The following FSTL3 variants were observed in gnomAD, a reference collection of about 807,000 sequenced individuals.
FSTL3 encodes the protein follistatin like 3, also known as follistatin-related protein 3.
A neutral mutation model predicts 28.1 loss-of-function variants in FSTL3; 21 were observed. That is an observed-to-expected ratio of 0.75 (90% CI 0.53 to 1.08). The LOEUF is 1.08. Among genes scored for constraint, FSTL3 ranks in the 50% least tolerant of loss-of-function variants. The pLI is 0.00. For synonymous variants in FSTL3, 199 were observed against 164.2 expected, an observed-to-expected ratio of 1.21 and a Z score of -1.62; for missense variants, 400 against 380.9, an observed-to-expected ratio of 1.05 and a Z score of -0.42.
At chr19:679,364 G>A (rs1047167497) in intron 2 of FSTL3, among the ~76,000 whole-genome samples, 2 of 152,166 alleles carry the variant, frequency 1.3e-5, no homozygotes, top group East Asian at 1.9e-4. Flanking sequence ...AAGGAGTGCC[G>A]CACTGCCTTG....
chr19:677,928 G>C lies in FSTL3; in HGVS notation c.240G>C (p.Lys80Asn). Residue 80 changes from lysine to asparagine, a missense_variant, in exon 2 of 5, where the codon AAG (lysine) becomes AAC (asparagine). Lys to Asn is a moderately conservative substitution (Grantham distance 94). Transcript: ENST00000166139. Reference protein sequence around the residue: ...AWSNLTHPGNKINLLGFLGLV... With the variant: ...AWSNLTHPGNNINLLGFLGLV... ...CCAACCTCACCCACCCGGGGAACAA[G>C]ATCAACCTCCTCGGCTTCTTGGGCC... 6.2e-7 allele frequency: 1 copy of C among 1,613,638 alleles called. No homozygotes were observed.
At chr19:678,024 A>T in intron 2 of FSTL3, 47 bp downstream of exon 2, 1 of 1,557,514 alleles carries the variant, frequency 6.4e-7, no homozygotes, top group Non-Finnish European at 8.8e-7. Context: ...GCTCAGGACC[A>T]GCCACAAACA....
chr19:677,705 T>G, intron 1 of FSTL3, 87 bp from the exon 2 acceptor site: 1 of 1,310,554 alleles, frequency 7.6e-7, no homozygotes, highest in Non-Finnish European at 1.0e-6. Flanking sequence ...GCGTAACTAC[T>G]CAGCACCACC....
At position 681,643 on chromosome 19, in the gene FSTL3, C is replaced by T. The variant is rs749429626; in HGVS notation, c.734-7C>T. The stretch of plus-strand genomic sequence containing the variant: ...TGCGCCCTCAATGCTCTTATCGACC[C>T]TTGCAGGCACCCCTGAGGAGCCGCC... On this transcript the variant is annotated splice_region_variant and splice_polypyrimidine_tract_variant and intron_variant, in intron 4 of 4. Coordinates refer to ENST00000166139, the MANE Select transcript of FSTL3 (RefSeq NM_005860.3). The T allele has an allele frequency of 6.3e-7, 1 of 1,582,280 alleles. No homozygotes were observed. The highest frequency in any genetic ancestry group is 8.6e-7 in the Non-Finnish European group (1 of 1,164,444).
chr19:677,427 G>A (rs887630061), intron 1 of FSTL3, among the ~76,000 whole-genome samples: 2 of 152,106 alleles, frequency 1.3e-5, no homozygotes, highest in African/African-American at 2.4e-5. Context: ...GGCGGGAGAA[G>A]CGGCTCCAGG....
Position 681,530 on chromosome 19 carries a change from A to G in FSTL3, c.703A>G (p.Ile235Val). The change falls in exon 4 of 5, where the codon ATC becomes GTC. Residue 235 changes from isoleucine (I) to valine (V), a missense_variant. Physicochemically the swap from Ile to Val is conservative, Grantham distance 29. Coordinates refer to ENST00000166139, the MANE Select transcript of FSTL3 (RefSeq NM_005860.3). ...GGCCACCTGCTTCCTGGGCCGCTCC[A>G]TCGGCGTGCGCCACGCGGGCAGCTG... ...RQATCFLGRS[I>V]GVRHAGSCAG... is the part of the protein sequence containing the mutation. 6.2e-7 allele frequency: 1 copy of G among 1,607,720 alleles called. No homozygotes were observed. The highest frequency in any genetic ancestry group is 8.5e-7 in the Non-Finnish European group (1 of 1,179,462).
At chr19:678,434 A>G (rs1170228421) in intron 2 of FSTL3, among the ~76,000 whole-genome samples, 1 of 145,256 alleles carries the variant, frequency 6.9e-6, no homozygotes, top group Non-Finnish European at 1.5e-5. Context: ...ACATCAGACT[A>G]GGGGCTCTTG....
intron 2 of FSTL3, chr19:680,055 A>C: frequency 2.9e-5 from 4 of 137,598 alleles, no homozygotes; most frequent in East Asian, 2.2e-4. Flanking sequence ...CCCCCAGCGC[A>C]GGCGCAGCGC....
chr19:677,764 G>A (rs1263387087), intron 1 of FSTL3, 28 bp from the exon 2 acceptor site: 2 of 1,583,904 alleles, frequency 1.3e-6, no homozygotes, highest in Admixed American at 1.7e-5. Context: ...GAGTGGCCCA[G>A]GAGAGCACCC....
rs772855603 is a variant in FSTL3 at position 680,291 on chromosome 19, G to C, written c.307G>C (p.Glu103Gln). The C allele has an allele frequency of 1.4e-5, 18 of 1,318,764 alleles. No individual in the cohort carries two copies. The highest frequency in any genetic ancestry group is 1.6e-5 in the Non-Finnish European group (17 of 1,036,870). The allele number at this position is 1,318,764 out of a possible 1,614,324, so 81.7% of individuals were successfully genotyped here. ...GTCCGCAGATTCGTGCGACGGCGTG[G>C]AGTGCGGCCCGGGCAAGGCGTGCCG... ...LPCKDSCDGV[E>Q]CGPGKACRML... The change falls in exon 3 of 5, where the codon GAG (glutamate) becomes CAG (glutamine). Residue 103 changes from glutamate (E) to glutamine (Q), a missense_variant. By Grantham distance (29) the Glu-to-Gln change is conservative (BLOSUM62 2). Coordinates refer to ENST00000166139, the MANE Select transcript of FSTL3 (RefSeq NM_005860.3).
intron 2 of FSTL3, 144 bp from the exon 3 acceptor site, chr19:680,130 C>G: frequency 2.5e-6 from 1 of 395,694 alleles, no homozygotes; most frequent in Non-Finnish European, 4.2e-6. Context: ...CCGAGGGCCC[C>G]GACTCCGACT....
rs768915394 is a variant in FSTL3 at position 676,437 on chromosome 19, C to A, written c.14C>A (p.Ala5Glu). The A allele has an allele frequency of 5.8e-6, 7 of 1,209,082 alleles. No individual in the cohort carries two copies. The South Asian group carries it at 1.3e-4, about 23-fold the overall frequency. 74.9% of individuals were successfully genotyped at this position (1,209,082 alleles called of 1,614,324 possible). ...TCTGCGTTCGCCATGCGTCCCGGGG[C>A]GCCAGGGCCACTCTGGCCTCTGCCC... MRPGAPGPLWPLPWG... is the reference protein window; with the variant it reads MRPGEPGPLWPLPWG... The change falls in exon 1 of 5, where the codon GCG becomes GAG. Residue 5 changes from alanine to glutamate, a missense_variant. Coordinates refer to ENST00000166139, the MANE Select transcript of FSTL3 (RefSeq NM_005860.3).
At position 682,165 on chromosome 19, in the gene FSTL3, C is replaced by T. The variant is rs1446476750; in HGVS notation, c.*457C>T. On this transcript the variant is annotated 3_prime_UTR_variant, in exon 5 of 5. Transcript: ENST00000166139. ...TCTAGCCTGGGTGTGTACGGAGGGT[C>T]TAGCCTGGGTGAGTACGGAGGGTCT... 2 of 337,304 alleles carry T rather than the reference C, an allele frequency of 5.9e-6. No homozygotes were observed. Among genetic ancestry groups the T allele is most frequent in the East Asian group, 9.3e-5 (2 of 21,478 alleles). The allele number at this position is 337,304 out of a possible 1,614,324, so 20.9% of individuals were successfully genotyped here.
At position 676,444 on chromosome 19, in the gene FSTL3, G is replaced by A; in HGVS notation, c.21G>A (p.Gly7=). MRPGAP[G]PLWPLPWGAL... is the part of the protein sequence containing the mutation. ...TCGCCATGCGTCCCGGGGCGCCAGGGCCACTCTGGCCTCTGCCCTGGGGGG... is the reference window on the plus strand; with the variant it reads ...TCGCCATGCGTCCCGGGGCGCCAGGACCACTCTGGCCTCTGCCCTGGGGGG... The change falls in exon 1 of 5, where the codon GGG becomes GGA. Residue 7 remains glycine, a synonymous_variant. Coordinates refer to ENST00000166139, the MANE Select transcript of FSTL3 (RefSeq NM_005860.3). The A allele has an allele frequency of 8.3e-7, 1 of 1,210,312 alleles. No individual in the cohort carries two copies. Among genetic ancestry groups the A allele is most frequent in the Non-Finnish European group, 1.0e-6 (1 of 971,586 alleles). The allele number at this position is 1,210,312 out of a possible 1,614,324, so 75.0% of individuals were successfully genotyped here. A position where few individuals can be genotyped will look rare whatever the true frequency, so the allele number is the denominator to read the frequency against.
rs890295657 is a variant in FSTL3, at chr19:683,173, G to T, written c.*1465G>T. ...ACCACAGCCTCAGACCAGCTATGGG[G>T]AGAGGACAACACGGAGGATATCCAG... On this transcript the variant is annotated 3_prime_UTR_variant, in exon 5 of 5. Coordinates refer to ENST00000166139, the MANE Select transcript of FSTL3 (RefSeq NM_005860.3). 1.7e-4 allele frequency: 39 copies of T among 233,160 alleles called. No individual in the cohort carries two copies. The highest frequency in any genetic ancestry group is 7.5e-4 in the African/African-American group (34 of 45,424). 14.4% of individuals were successfully genotyped at this position (233,160 alleles called of 1,614,324 possible).
Position 677,868 on chromosome 19 carries a change from G to A in FSTL3, c.180G>A (p.Glu60=), listed in dbSNP as rs768005904. The change falls in exon 2 of 5, where the codon GAG becomes GAA. Residue 60 remains glutamate, a synonymous_variant. Transcript: ENST00000166139. The part of the protein sequence containing the change: ...LVLQTDVTRA[E]CCASGNIDTA... The stretch of plus-strand genomic sequence containing the variant: ...TCCAGACTGATGTCACCCGGGCCGA[G>A]TGCTGTGCCTCCGGCAACATTGACA... 2.5e-6 allele frequency: 4 copies of A among 1,613,304 alleles called. No homozygotes were observed. The Admixed American group carries it at 6.7e-5, about 27-fold the overall frequency.
At position 681,638 on chromosome 19, in the gene FSTL3, C is replaced by T. The variant is rs1365239467; in HGVS notation, c.734-12C>T. ...TGCCCTGCGCCCTCAATGCTCTTAT[C>T]GACCCTTGCAGGCACCCCTGAGGAG... On this transcript the variant is annotated splice_polypyrimidine_tract_variant and intron_variant, in intron 4 of 4. Coordinates refer to ENST00000166139, the MANE Select transcript of FSTL3 (RefSeq NM_005860.3). The T allele has an allele frequency of 1.3e-6, 2 of 1,584,734 alleles. No individual in the cohort carries two copies. The highest frequency in any genetic ancestry group is 2.7e-5 in the African/African-American group (2 of 74,250).
At chr19:677,126 G>A (rs896326635) in intron 1 of FSTL3, among the ~76,000 whole-genome samples, 4 of 152,304 alleles carry the variant, frequency 2.6e-5, no homozygotes, top group Middle Eastern at 3.4e-3. Flanking sequence ...ACCAGCAAGC[G>A]CTCTGGGATG....
chr19:681,155 G>C (rs2031324074), intron 3 of FSTL3, among the ~76,000 whole-genome samples, 178 bp from the exon 4 acceptor site: 1 of 146,146 alleles, frequency 6.8e-6, no homozygotes, highest in South Asian at 2.3e-4. Context: ...GGCAGGGCTT[G>C]TGGGTGGAGC....
Sources: allele counts gnomAD v4.1 joint callset (sites outside exome capture counted in the v4.1 genomes callset), GRCh38; gene constraint gnomAD v4.1.1; transcripts MANE v1.5; gene names NCBI Gene and HGNC (gene_info 2026-07-23, HGNC 2026-07-21).